FNDC3A: variants seen among roughly 807,000 people sequenced by gnomAD.
FNDC3A encodes the protein fibronectin type-III domain-containing protein 3A.
A neutral mutation model predicts 148.9 loss-of-function variants in FNDC3A; 32 were observed. The ratio of observed to expected loss-of-function variants is 0.21; its 90% CI spans 0.16 to 0.29. The LOEUF (loss-of-function observed/expected upper bound fraction) is 0.29, where lower values mean the gene tolerates loss of function less well. FNDC3A is among the 10% of genes least tolerant of loss of function. FNDC3A has a pLI of 1.00. For synonymous variants in FNDC3A, 472 were observed against 473.6 expected, an observed-to-expected ratio of 1.00 and a Z score of 0.04; for missense variants, 1,191 against 1,452.8, an observed-to-expected ratio of 0.82 and a Z score of 2.93.
intron 8 of FNDC3A, among the ~76,000 whole-genome samples, chr13:49,149,309 C>G (rs952979470): frequency 6.6e-6 from 1 of 151,774 alleles, no homozygotes; most frequent in African/African-American, 2.4e-5. Flanking sequence ...TTAGACTTTC[C>G]CCTTTCTGTA....
At chr13:49,069,002 G>A (rs1877462659) in intron 2 of FNDC3A, among the ~76,000 whole-genome samples, 2 of 151,978 alleles carry the variant, frequency 1.3e-5, no homozygotes, top group South Asian at 2.1e-4. Context: ...ACAAACCCCC[G>A]TGACATCAGT....
chr13:49,103,786 TATC>T (rs1880002195), intron 3 of FNDC3A, among the ~76,000 whole-genome samples: 1 of 152,182 alleles, frequency 6.6e-6, no homozygotes, highest in East Asian at 1.9e-4. Context: ...AAGATTAACT[TATC>T]ATGGGAAACA....
At chr13:49,040,923 A>T (rs1874875011) in intron 2 of FNDC3A, among the ~76,000 whole-genome samples, 1 of 152,160 alleles carries the variant, frequency 6.6e-6, no homozygotes, top group South Asian at 2.1e-4. Context: ...ATCTCAGGTA[A>T]TATAACTAGT....
chr13:49,197,087 T>TA (rs1170933274), intron 20 of FNDC3A, 97 bp downstream of exon 20: 2 of 651,746 alleles, frequency 3.1e-6, no homozygotes, highest in African/African-American at 3.7e-5. Context: ...CCGCCTATAT[T>TA]ATACAGAGTA....
intron 8 of FNDC3A, among the ~76,000 whole-genome samples, chr13:49,148,149 C>T (rs1267500259): frequency 2.6e-5 from 4 of 152,086 alleles, no homozygotes; most frequent in Non-Finnish European, 4.4e-5. Flanking sequence ...TTTGCAAATA[C>T]TCTCTCCCTT....
intron 25 of FNDC3A, among the ~76,000 whole-genome samples, chr13:49,204,876 C>T (rs534017175): frequency 1.6e-4 from 25 of 152,278 alleles, no homozygotes; most frequent in Non-Finnish European, 3.4e-4. Flanking sequence ...CTCCCAGTAT[C>T]TCCTCTCCAA....
intron 6 of FNDC3A, among the ~76,000 whole-genome samples, chr13:49,137,454 C>T (rs1170147820): frequency 1.3e-5 from 2 of 152,204 alleles, no homozygotes; most frequent in Admixed American, 6.5e-5. Context: ...AAGCGATTCT[C>T]GTGCCTCAGC....
chr13:49,145,650 T>G, intron 7 of FNDC3A, 128 bp from the exon 8 acceptor site: 1 of 727,144 alleles, frequency 1.4e-6, no homozygotes, highest in Non-Finnish European at 2.3e-6. Context: ...CAGGTTTATA[T>G]TTGTGAGCCA....
At chr13:49,043,798 A>G (rs980435724) in intron 2 of FNDC3A, among the ~76,000 whole-genome samples, 2 of 152,182 alleles carry the variant, frequency 1.3e-5, no homozygotes, top group African/African-American at 4.8e-5. Context: ...AATATTCAGC[A>G]TAATGATCAA....
intron 4 of FNDC3A, among the ~76,000 whole-genome samples, chr13:49,120,294 A>G (rs1373127970): frequency 6.6e-6 from 1 of 152,210 alleles, no homozygotes; most frequent in Non-Finnish European, 1.5e-5. Flanking sequence ...AAATGCTGAG[A>G]GATTTCATCA....
intron 4 of FNDC3A, among the ~76,000 whole-genome samples, chr13:49,127,549 C>T (rs1373053124): frequency 6.6e-6 from 1 of 152,212 alleles, no homozygotes; most frequent in African/African-American, 2.4e-5. Flanking sequence ...GCATTTGACA[C>T]AGTTAATCCT....
intron 2 of FNDC3A, among the ~76,000 whole-genome samples, chr13:49,020,139 T>C (rs968983421): frequency 6.6e-6 from 1 of 152,230 alleles, no homozygotes; most frequent in Non-Finnish European, 1.5e-5. Flanking sequence ...TAAGCACTTA[T>C]GATCAGGCAT....
intron 2 of FNDC3A, among the ~76,000 whole-genome samples, chr13:49,028,055 A>G (rs1873846422): frequency 6.6e-6 from 1 of 152,018 alleles, no homozygotes; most frequent in Non-Finnish European, 1.5e-5. Context: ...TCTACTAAAA[A>G]TACAAAAATT....
intron 14 of FNDC3A, among the ~76,000 whole-genome samples, chr13:49,183,374 A>T (rs1460190285): frequency 6.6e-6 from 1 of 152,170 alleles, no homozygotes; most frequent in Non-Finnish European, 1.5e-5. Flanking sequence ...CTGCATGAAG[A>T]TTCTAAATTC....
At chr13:49,022,501 A>C (rs1200743261) in intron 2 of FNDC3A, among the ~76,000 whole-genome samples, 1 of 152,180 alleles carries the variant, frequency 6.6e-6, no homozygotes, top group Non-Finnish European at 1.5e-5. Context: ...AAAAAGTTAC[A>C]AATTTGTAAA....
intron 1 of FNDC3A, among the ~76,000 whole-genome samples, chr13:48,993,819 A>C (rs1951968253): frequency 6.6e-6 from 1 of 152,156 alleles, no homozygotes; most frequent in African/African-American, 2.4e-5. Flanking sequence ...CATAATATAA[A>C]ATCCTTCCAT....
intron 8 of FNDC3A, among the ~76,000 whole-genome samples, chr13:49,165,288 C>T (rs1884392675): frequency 1.3e-5 from 2 of 152,178 alleles, no homozygotes; most frequent in African/African-American, 2.4e-5. Context: ...TCTGGTATAG[C>T]AGTCACTTCT....
At chr13:49,141,230 T>C (rs979203350) in intron 7 of FNDC3A, among the ~76,000 whole-genome samples, 1 of 152,218 alleles carries the variant, frequency 6.6e-6, no homozygotes, top group Non-Finnish European at 1.5e-5. Flanking sequence ...CATGAAATAA[T>C]TAACTATATT....
At chr13:49,031,909 G>A (rs772544273) in intron 2 of FNDC3A, among the ~76,000 whole-genome samples, 10 of 152,052 alleles carry the variant, frequency 6.6e-5, no homozygotes, top group Non-Finnish European at 1.5e-4. Flanking sequence ...ATCTGATAAG[G>A]GGCTTGTATT....
Sources: allele counts gnomAD v4.1 joint callset (sites outside exome capture counted in the v4.1 genomes callset), GRCh38; gene constraint gnomAD v4.1.1; transcripts MANE v1.5; gene names NCBI Gene and HGNC (gene_info 2026-07-23, HGNC 2026-07-21).